ATP13A4: variants seen among roughly 807,000 people sequenced by gnomAD.
ATP13A4 encodes the protein probable cation-transporting ATPase 13A4.
In ATP13A4, 114 loss-of-function variants were observed where a neutral mutation model predicts 142.5. The observed-to-expected ratio is 0.80, with a 90% CI of 0.69 to 0.93. The LOEUF (loss-of-function observed/expected upper bound fraction) is 0.93, where lower values mean the gene tolerates loss of function less well. Among genes scored for constraint, ATP13A4 ranks in the 40% least tolerant of loss-of-function variants. The pLI, the probability that ATP13A4 is intolerant of heterozygous loss-of-function variation, is 0.00. For missense variants in ATP13A4, 1,392 were observed against 1,454.0 expected (o/e 0.96, Z 0.69); for synonymous variants, 488 against 514.8 (o/e 0.95, Z 0.70).
chr3:193,513,893 G>A (rs1275175176), intron 2 of ATP13A4, among the ~76,000 whole-genome samples: 3 of 152,180 alleles, frequency 2.0e-5, no homozygotes, highest in East Asian at 3.8e-4. Context: ...AGTGGGATAT[G>A]TCAGGAATCG....
At chr3:193,439,268 G>GT (rs1332163787) in intron 21 of ATP13A4, among the ~76,000 whole-genome samples, 3 of 150,508 alleles carry the variant, frequency 2.0e-5, no homozygotes, top group Admixed American at 6.6e-5. Context: ...ATTCCTGACT[G>GT]TAAGTGTTTC....
chr3:193,584,675 T>C (rs1181367107), intron 1 of ATP13A4, among the ~76,000 whole-genome samples: 1 of 152,092 alleles, frequency 6.6e-6, no homozygotes, highest in Non-Finnish European at 1.5e-5. Context: ...TTTCAATACA[T>C]GCAAAGTGAA....
chr3:193,458,130 A>C (rs1439967855), intron 14 of ATP13A4, among the ~76,000 whole-genome samples: 3 of 152,202 alleles, frequency 2.0e-5, no homozygotes. Flanking sequence ...GCTATGAAAT[A>C]ATGCTCCAGG....
chr3:193,490,225 C>T (rs1719872661), intron 6 of ATP13A4, among the ~76,000 whole-genome samples: 1 of 152,174 alleles, frequency 6.6e-6, no homozygotes, highest in Non-Finnish European at 1.5e-5. Context: ...TTAATCACTG[C>T]CTCACTTTAT....
intron 1 of ATP13A4, among the ~76,000 whole-genome samples, chr3:193,529,201 C>T (rs936258453): frequency 1.1e-4 from 16 of 151,098 alleles, no homozygotes; most frequent in African/African-American, 3.9e-4. Context: ...ACCCAGGATG[C>T]GGAGGTTGCA....
chr3:193,527,409 C>T (rs373065533), intron 1 of ATP13A4, among the ~76,000 whole-genome samples: 44 of 152,072 alleles, frequency 2.9e-4, no homozygotes, highest in African/African-American at 1.0e-3. Flanking sequence ...GAGGTCAGTT[C>T]GAGACTAGTC....
At chr3:193,556,916 G>A (rs551830853), upstream of ATP13A4, among the ~76,000 whole-genome samples, 1 of 152,290 alleles carries the variant, frequency 6.6e-6, no homozygotes, top group South Asian at 2.1e-4. Context: ...GGAGGTTGAG[G>A]AGTGTTAGTA....
intron 1 of ATP13A4, among the ~76,000 whole-genome samples, chr3:193,524,113 A>G (rs974642456): frequency 7.9e-5 from 12 of 152,202 alleles, no homozygotes; most frequent in African/African-American, 2.9e-4. Flanking sequence ...TTTCTTTATA[A>G]ATTACCCAAC....
chr3:193,582,677 A>G (rs181826650), intron 1 of ATP13A4, among the ~76,000 whole-genome samples: 5 of 62,160 alleles, frequency 8.0e-5, no homozygotes, highest in South Asian at 4.1e-4. Flanking sequence ...TATATTACAT[A>G]TATATTATAT....
chr3:193,521,451 T>C (rs182846036), intron 1 of ATP13A4, among the ~76,000 whole-genome samples: 1 of 152,158 alleles, frequency 6.6e-6, no homozygotes, highest in African/African-American at 2.4e-5. Context: ...AGGTAGACTA[T>C]ACAAGGAATA....
chr3:193,507,111 A>T (rs1720900591), intron 2 of ATP13A4, among the ~76,000 whole-genome samples: 1 of 152,138 alleles, frequency 6.6e-6, no homozygotes, highest in African/African-American at 2.4e-5. Flanking sequence ...GGCTTGCCTT[A>T]AAAAGAACCC....
In ATP13A4 at chr3:193,400,906, A is replaced by C. The variant is rs971179642; in HGVS notation, c.*1746T>G. On this transcript the variant is annotated 3_prime_UTR_variant, in exon 30 of 30. Transcript: ENST00000342695. ...GAAGGACATTCAGAACTGCCATATC[A>C]TTGCTGAGGCTGGCTTTGCAAAAGG... Among the ~76,000 whole-genome samples the C allele has an allele frequency of 1.3e-5, 2 of 152,360 alleles. No homozygotes were observed. Among genetic ancestry groups the C allele is most frequent in the Middle Eastern group, 3.4e-3 (1 of 294 alleles).
intron 2 of ATP13A4, among the ~76,000 whole-genome samples, chr3:193,510,549 A>G (rs904480780): frequency 2.6e-5 from 4 of 152,200 alleles, no homozygotes; most frequent in African/African-American, 7.2e-5. Context: ...ATTGCTACTG[A>G]TATTGGTTAA....
chr3:193,564,091 T>C (rs1724081746), intron 2 of ATP13A4, among the ~76,000 whole-genome samples: 2 of 152,242 alleles, frequency 1.3e-5, no homozygotes. Context: ...TACTGAAGGA[T>C]TGCTCGAAGA....
At chr3:193,458,396 TTA>T (rs1717760885) in intron 14 of ATP13A4, among the ~76,000 whole-genome samples, 2 of 152,224 alleles carry the variant, frequency 1.3e-5, no homozygotes, top group Non-Finnish European at 2.9e-5. Flanking sequence ...TTGTTTTGTG[TTA>T]TGTGAACACC....
chr3:193,410,959 C>T, intron 28 of ATP13A4, 23 bp downstream of exon 28: 1 of 1,425,776 alleles, frequency 7.0e-7, no homozygotes, highest in Non-Finnish European at 9.9e-7. Flanking sequence ...AAAGCATCAT[C>T]ATATCCCAAA....
intron 3 of ATP13A4, among the ~76,000 whole-genome samples, chr3:193,499,760 T>A (rs1720435303): frequency 2.6e-5 from 4 of 152,354 alleles, no homozygotes; most frequent in African/African-American, 9.6e-5. Context: ...GTGGTTCCAA[T>A]GTGAGGCCCC....
intron 25 of ATP13A4, among the ~76,000 whole-genome samples, chr3:193,420,612 A>G (rs1387253456): frequency 6.7e-6 from 1 of 149,866 alleles, no homozygotes; most frequent in East Asian, 2.1e-4. Context: ...TAGACAAATT[A>G]GGAAAAGAGT....
At chr3:193,537,282 C>T (rs73198996) in intron 1 of ATP13A4, among the ~76,000 whole-genome samples, 28 of 152,130 alleles carry the variant, frequency 1.8e-4, no homozygotes, top group Admixed American at 3.3e-4. Flanking sequence ...AACTGAGAAA[C>T]AGACATACAC....
Sources: allele counts gnomAD v4.1 joint callset (sites outside exome capture counted in the v4.1 genomes callset), GRCh38; gene constraint gnomAD v4.1.1; transcripts MANE v1.5; gene names NCBI Gene and HGNC (gene_info 2026-07-23, HGNC 2026-07-21).